KIAA0825: variants seen among roughly 807,000 people sequenced by gnomAD.
KIAA0825 encodes the protein uncharacterized protein KIAA0825.
In KIAA0825, 119 loss-of-function variants were observed where a neutral mutation model predicts 147.6. The ratio of observed to expected loss-of-function variants is 0.81; its 90% CI spans 0.69 to 0.94. The LOEUF is 0.94. Ranked by LOEUF, KIAA0825 falls within the 40% of genes least tolerant of loss-of-function variation. The probability of loss-of-function intolerance (pLI) is 0.00; values close to 1 mark genes in which losing one functional copy is unlikely to be tolerated. For synonymous variants in KIAA0825, 470 were observed against 518.1 expected (o/e 0.91, Z 1.26); for missense variants, 1,381 against 1,472.7 (o/e 0.94, Z 1.02).
intron 20 of KIAA0825, among the ~76,000 whole-genome samples, chr5:94,359,017 T>C (rs1433794472): frequency 6.6e-6 from 1 of 152,340 alleles, no homozygotes; most frequent in Non-Finnish European, 1.5e-5. Context: ...CTATGATGTC[T>C]TATGGAAGGA....
At chr5:94,488,411 T>G (rs950926245) in intron 5 of KIAA0825, among the ~76,000 whole-genome samples, 8 of 152,182 alleles carry the variant, frequency 5.3e-5, no homozygotes, top group African/African-American at 1.9e-4. Flanking sequence ...AGCTCTATGA[T>G]TCTTAGGAAA....
intron 1 of KIAA0825, among the ~76,000 whole-genome samples, chr5:94,596,990 C>T (rs916723503): frequency 2.6e-5 from 4 of 152,028 alleles, no homozygotes; most frequent in Admixed American, 2.0e-4. Context: ...GAGACTATGT[C>T]GTTTTCTACA....
chr5:94,384,510 A>T (rs1390437604), intron 19 of KIAA0825, 52 bp from the exon 20 acceptor site: 3 of 1,412,988 alleles, frequency 2.1e-6, no homozygotes, highest in Non-Finnish European at 2.9e-6. Flanking sequence ...ATCAGAGTTA[A>T]TATGATCAGT....
intron 6 of KIAA0825, among the ~76,000 whole-genome samples, chr5:94,480,510 T>C (rs1440793660): frequency 6.6e-6 from 1 of 152,070 alleles, no homozygotes; most frequent in East Asian, 1.9e-4. Flanking sequence ...GGTATTTACT[T>C]TGGAAAAATA....
chr5:94,485,919 C>T (rs987895109), intron 5 of KIAA0825, among the ~76,000 whole-genome samples: 7 of 151,402 alleles, frequency 4.6e-5, no homozygotes, highest in African/African-American at 7.3e-5. Flanking sequence ...CTATTATTTG[C>T]GTAAGAACAA....
intron 20 of KIAA0825, among the ~76,000 whole-genome samples, chr5:94,229,768 A>G (rs1489673681): frequency 6.6e-6 from 1 of 151,960 alleles, no homozygotes; most frequent in African/African-American, 2.4e-5. Context: ...TGTTCTTGTT[A>G]TAAGAATCCA....
chr5:94,581,244 G>A (rs970050451), intron 2 of KIAA0825, among the ~76,000 whole-genome samples: 15 of 152,114 alleles, frequency 9.9e-5, no homozygotes, highest in Non-Finnish European at 1.8e-4. Context: ...TTATACCAAC[G>A]TCATGTCTTG....
At chr5:94,562,580 A>G (rs1777745817) in intron 2 of KIAA0825, among the ~76,000 whole-genome samples, 1 of 152,250 alleles carries the variant, frequency 6.6e-6, no homozygotes, top group Non-Finnish European at 1.5e-5. Flanking sequence ...GAGCAGACAG[A>G]ATCTCAACTT....
At chr5:94,429,666 TG>T (rs1277134079) in intron 14 of KIAA0825, among the ~76,000 whole-genome samples, 2 of 152,152 alleles carry the variant, frequency 1.3e-5, no homozygotes, top group Non-Finnish European at 2.9e-5. Flanking sequence ...TACTCAGCCC[TG>T]GGGGGTGGCA....
At chr5:94,484,306 T>A (rs141919503) in intron 6 of KIAA0825, among the ~76,000 whole-genome samples, 2 of 151,856 alleles carry the variant, frequency 1.3e-5, no homozygotes, top group Non-Finnish European at 3.0e-5. Context: ...CATATCGAAA[T>A]CTGAAGCATC....
At chr5:94,344,803 T>C (rs949566432) in intron 20 of KIAA0825, among the ~76,000 whole-genome samples, 20 of 152,162 alleles carry the variant, frequency 1.3e-4, no homozygotes, top group Admixed American at 4.6e-4. Flanking sequence ...GAAAGAAATA[T>C]GCCCAGTCAC....
intron 5 of KIAA0825, among the ~76,000 whole-genome samples, chr5:94,489,465 T>C (rs796081138): frequency 1.3e-5 from 2 of 149,858 alleles, no homozygotes; most frequent in Admixed American, 6.7e-5. Flanking sequence ...GAGCTTTAGA[T>C]AAAAACCCTT....
chr5:94,594,421 C>G (rs1784896013), intron 1 of KIAA0825: 3 of 730,960 alleles, frequency 4.1e-6, no homozygotes, highest in Non-Finnish European at 7.7e-6. Flanking sequence ...TCAGTTCTTA[C>G]TCCTTATTAC....
intron 1 of KIAA0825, among the ~76,000 whole-genome samples, chr5:94,600,373 C>T (rs1244861673): frequency 2.6e-5 from 4 of 151,466 alleles, no homozygotes; most frequent in South Asian, 2.1e-4. Flanking sequence ...TATATATATT[C>T]CTTATATTTC....
intron 20 of KIAA0825, among the ~76,000 whole-genome samples, chr5:94,239,801 A>G (rs1252436924): frequency 6.6e-6 from 1 of 152,156 alleles, no homozygotes; most frequent in African/African-American, 2.4e-5. Flanking sequence ...CAATTACTTA[A>G]TTACTTTATT....
At chr5:94,537,910 C>T (rs1426706539) in intron 2 of KIAA0825, among the ~76,000 whole-genome samples, 1 of 152,162 alleles carries the variant, frequency 6.6e-6, no homozygotes, top group Admixed American at 6.5e-5. Flanking sequence ...CAAAACTGTC[C>T]TTGAGTTTCT....
intron 10 of KIAA0825, among the ~76,000 whole-genome samples, 187 bp from the exon 11 acceptor site, chr5:94,465,246 G>A (rs756299409): frequency 1.3e-5 from 2 of 152,122 alleles, no homozygotes; most frequent in East Asian, 1.9e-4. Flanking sequence ...GTTTTATTTC[G>A]AGACTAGATA....
At chr5:94,613,099 C>A (rs1485050349) in intron 1 of KIAA0825, among the ~76,000 whole-genome samples, 1 of 152,168 alleles carries the variant, frequency 6.6e-6, no homozygotes. Context: ...CCTAATTAGT[C>A]AAAATGACAT....
At chr5:94,263,526 C>T (rs966573416) in intron 20 of KIAA0825, among the ~76,000 whole-genome samples, 1 of 152,168 alleles carries the variant, frequency 6.6e-6, no homozygotes, top group African/African-American at 2.4e-5. Context: ...TCAACAATCA[C>T]CTGTACGTGA....
Sources: allele counts gnomAD v4.1 joint callset (sites outside exome capture counted in the v4.1 genomes callset), GRCh38; gene constraint gnomAD v4.1.1; transcripts MANE v1.5; gene names NCBI Gene and HGNC (gene_info 2026-07-23, HGNC 2026-07-21).